The following CEP128 variants were observed in gnomAD, a reference collection of about 807,000 sequenced individuals.
CEP128 encodes centrosomal protein 128, also known as centrosomal protein 128kDa.
In CEP128, 132 loss-of-function variants were observed where a neutral mutation model predicts 156.7. The ratio of observed to expected loss-of-function variants is 0.84; its 90% confidence interval spans 0.73 to 0.97. The LOEUF (loss-of-function observed/expected upper bound fraction) is 0.97, where lower values mean the gene tolerates loss of function less well. CEP128 is among the 50% of genes least tolerant of loss of function. The pLI, the probability that CEP128 is intolerant of heterozygous loss-of-function variation, is 0.00. For synonymous variants in CEP128, 469 were observed against 448.9 expected (o/e 1.04, Z -0.57); for missense variants, 1,252 against 1,281.9 (o/e 0.98, Z 0.36).
chr14:80,565,946 T>C (rs776302909), intron 20 of CEP128, among the ~76,000 whole-genome samples: 3 of 152,198 alleles, frequency 2.0e-5, no homozygotes, highest in Non-Finnish European at 2.9e-5. Flanking sequence ...ATCATTAGCA[T>C]ATGAAAAAGC....
chr14:80,847,717 C>A (rs928979943), intron 9 of CEP128, among the ~76,000 whole-genome samples: 1 of 152,134 alleles, frequency 6.6e-6, no homozygotes, highest in Non-Finnish European at 1.5e-5. Context: ...AATTATTTCC[C>A]CTCTGAGATA....
At chr14:80,588,542 C>T (rs945360448) in intron 19 of CEP128, among the ~76,000 whole-genome samples, 2 of 151,978 alleles carry the variant, frequency 1.3e-5, no homozygotes, top group Non-Finnish European at 2.9e-5. Flanking sequence ...GGAGATACAA[C>T]TGAAAATTTT....
chr14:80,841,357 A>C (rs1006799175), intron 9 of CEP128, among the ~76,000 whole-genome samples: 6 of 152,092 alleles, frequency 3.9e-5, no homozygotes, highest in Non-Finnish European at 5.9e-5. Context: ...CAACAGAAAA[A>C]CAATTTTTAG....
At chr14:80,494,304 A>C (rs533443120), downstream of CEP128, among the ~76,000 whole-genome samples, 5 of 152,270 alleles carry the variant, frequency 3.3e-5, no homozygotes, top group African/African-American at 1.2e-4. Flanking sequence ...TGAAAATCAC[A>C]AATTTTCTGT....
At chr14:80,576,749 G>C (rs1268958706) in intron 20 of CEP128, among the ~76,000 whole-genome samples, 1 of 152,086 alleles carries the variant, frequency 6.6e-6, no homozygotes, top group African/African-American at 2.4e-5. Context: ...ACAGGACAGG[G>C]ATTGGTGTTG....
chr14:80,957,369 G>T (rs1886749779), intron 2 of CEP128, among the ~76,000 whole-genome samples: 1 of 151,534 alleles, frequency 6.6e-6, no homozygotes, highest in African/African-American at 2.4e-5. Flanking sequence ...TTATTTGCAT[G>T]CCCACTCAAG....
At position 80,713,975 on chromosome 14, in the gene CEP128, T is replaced by C. The variant is rs565546394; in HGVS notation, c.2806+29100A>G. On this transcript the variant is annotated intron_variant, in intron 19 of 24. Coordinates refer to ENST00000555265, the MANE Select transcript of CEP128 (RefSeq NM_152446.5). ...ATTTTATTTTTCAGTATCTAGTGTT[T>C]CTCTCTCTCACTCTGCTGAGTAGTG... is the stretch of plus-strand genomic sequence containing the variant. Among the ~76,000 whole-genome samples, 3 of 152,294 alleles carry C rather than the reference T, an allele frequency of 2.0e-5. No homozygotes were observed. In the South Asian group the frequency reaches 6.2e-4, roughly 32 times the overall value.
chr14:80,489,805 T>G (rs41352756), downstream of CEP128, among the ~76,000 whole-genome samples: 66,489 of 151,550 alleles, frequency 0.44, 16,484 homozygotes, highest in East Asian at 0.69. Context: ...GACAATTGTT[T>G]AGGAGCATTT....
At chr14:80,780,357 T>C (rs1901038802) in intron 15 of CEP128, among the ~76,000 whole-genome samples, 1 of 152,144 alleles carries the variant, frequency 6.6e-6, no homozygotes, top group Non-Finnish European at 1.5e-5. Flanking sequence ...AAGTAAAAAG[T>C]ATGGATATAT....
intron 21 of CEP128, among the ~76,000 whole-genome samples, chr14:80,553,750 G>C (rs1890312249): frequency 6.6e-6 from 1 of 152,150 alleles, no homozygotes; most frequent in Admixed American, 6.5e-5. Flanking sequence ...CTTGGAGGTA[G>C]AAGTAAAATA....
At chr14:80,889,572 A>G (rs574482819) in intron 8 of CEP128, among the ~76,000 whole-genome samples, 66 of 152,358 alleles carry the variant, frequency 4.3e-4, no homozygotes, top group African/African-American at 1.6e-3. Flanking sequence ...ACTGGCTACC[A>G]TATGCAGAAA....
Position 80,895,798 on chromosome 14 carries a change from G to GAAAAA in CEP128, c.573-13_573-9dup, listed in dbSNP as rs397973196. On this transcript the variant is annotated splice_polypyrimidine_tract_variant and intron_variant, in intron 7 of 24. Coordinates refer to ENST00000555265, the MANE Select transcript of CEP128 (RefSeq NM_152446.5). ...TTTGTTTCGGCATCTGACCTAGGAA[G>GAAAAA]AAAAAAAAAAAAAAGATTTAAATTT... The GAAAAA allele has an allele frequency of 0.027, 33,341 of 1,257,014 alleles. 295 individuals carry two copies. Among genetic ancestry groups the GAAAAA allele is most frequent in the South Asian group, 0.038 (2,190 of 57,108 alleles). 77.9% of individuals were successfully genotyped at this position (1,257,014 alleles called of 1,614,324 possible).
chr14:80,672,521 C>A (rs950998142), intron 19 of CEP128, among the ~76,000 whole-genome samples: 1 of 152,118 alleles, frequency 6.6e-6, no homozygotes, highest in African/African-American at 2.4e-5. Context: ...TGCATGTGTG[C>A]ATGTGTGTGT....
Position 80,812,951 on chromosome 14 carries a change from G to A in CEP128, c.1209+18192C>T, listed in dbSNP as rs114148366. Among the ~76,000 whole-genome samples, 718 of 152,170 alleles carry A rather than the reference G, an allele frequency of 4.7e-3. 9 individuals are homozygous for A. The highest frequency in any genetic ancestry group is 0.017 in the African/African-American group (691 of 41,526). On this transcript the variant is annotated intron_variant, in intron 13 of 24. Transcript: ENST00000555265. ...TGGTATCTCCTTGTGTGTTTGATTT[G>A]CATTTCTCTAATGATTAGTAATGTT...
rs576267433 is a variant in CEP128, at chr14:80,837,237, A to G, written c.925-900T>C. On this transcript the variant is annotated intron_variant, in intron 11 of 24. Transcript: ENST00000555265. ...TTAGCATATTCTGAAGGTGTGTTAT[A>G]TAACATACACTTCAAAACAGAAGAA... Among the ~76,000 whole-genome samples, 7 of 152,382 alleles carry G rather than the reference A, an allele frequency of 4.6e-5. 1 individual carries two copies. The East Asian group carries it at 1.3e-3, about 29-fold the overall frequency.
intron 19 of CEP128, among the ~76,000 whole-genome samples, chr14:80,684,684 C>T (rs1031966454): frequency 3.4e-5 from 5 of 148,266 alleles, no homozygotes; most frequent in Non-Finnish European, 5.9e-5. Flanking sequence ...GAGAAACACA[C>T]AGGCAAAAAT....
chr14:80,490,137 G>C (rs976705168), downstream of CEP128, among the ~76,000 whole-genome samples: 2 of 151,990 alleles, frequency 1.3e-5, no homozygotes, highest in African/African-American at 4.8e-5. Flanking sequence ...ACCACTGTAA[G>C]ATAAAAGGCC....
rs1344457542 is a variant in CEP128 at position 80,729,058 on chromosome 14, G to GTGTGTGTGTGTGTGTGTGTGTGTGTGT, written c.2806+14016_2806+14017insACACACACACACACACACACACACACA. On this transcript the variant is annotated intron_variant, in intron 19 of 24. Transcript: ENST00000555265. ...CCTAGTCCCAGGCTGGGCTGGTGGG[G>GTGTGTGTGTGTGTGTGTGTGTGTGTGT]GTGTGTGTGTGTGTGTGTGTGTGTG... Among the ~76,000 whole-genome samples the GTGTGTGTGTGTGTGTGTGTGTGTGTGT allele has an allele frequency of 1.7e-3, 175 of 105,052 alleles. 21 individuals carry two copies. The highest frequency in any genetic ancestry group is 5.6e-3 in the East Asian group (18 of 3,200). The allele number at this position is 105,052 out of a possible 152,430, so 68.9% of individuals were successfully genotyped here. A position where few individuals can be genotyped will look rare whatever the true frequency, so the allele number is the denominator to read the frequency against.
chr14:80,652,055 G>A (rs1174429758), intron 19 of CEP128, among the ~76,000 whole-genome samples: 4 of 151,448 alleles, frequency 2.6e-5, no homozygotes, highest in Non-Finnish European at 5.9e-5. Flanking sequence ...CCTGACCATC[G>A]GATCTTTGAC....
Sources: allele counts gnomAD v4.1 joint callset (sites outside exome capture counted in the v4.1 genomes callset), GRCh38; gene constraint gnomAD v4.1.1; transcripts MANE v1.5; gene names NCBI Gene and HGNC (gene_info 2026-07-23, HGNC 2026-07-21).